The following KIF7 variants were observed in gnomAD, a reference collection of about 807,000 sequenced individuals.
KIF7 encodes the protein kinesin-like protein KIF7.
A neutral mutation model predicts 135.7 loss-of-function variants in KIF7; 104 were observed. The observed-to-expected ratio is 0.77, with a 90% CI of 0.65 to 0.90. The LOEUF (loss-of-function observed/expected upper bound fraction) is 0.90, where lower values mean the gene tolerates loss of function less well. Ranked by LOEUF, KIF7 falls within the 40% of genes least tolerant of loss-of-function variation. KIF7 has a pLI of 0.00. For missense variants in KIF7, 2,005 were observed against 1,839.1 expected (o/e 1.09, Z -1.65); for synonymous variants, 883 against 809.4 (o/e 1.09, Z -1.54).
At chr15:89,649,601 C>T (rs1219574939) in intron 3 of KIF7, 140 bp downstream of exon 3, 1 of 1,031,610 alleles carries the variant, frequency 9.7e-7, no homozygotes, top group Non-Finnish European at 1.4e-6. Context: ...TCAGTGGAGG[C>T]AAGAAGCTAA....
downstream of KIF7, chr15:89,624,416 C>T (rs138701520): frequency 4.3e-6 from 7 of 1,614,236 alleles, no homozygotes; most frequent in Admixed American, 1.7e-5. Context: ...CAGAGAGCTA[C>T]ATTGGACACC....
chr15:89,649,707 C>G (rs903443042), intron 3 of KIF7, 34 bp downstream of exon 3: 2 of 1,547,264 alleles, frequency 1.3e-6, no homozygotes, highest in African/African-American at 2.7e-5. Context: ...CCCTAAGCCC[C>G]TCTCCGTCAG....
chr15:89,633,049 G>C (rs1431827974), intron 13 of KIF7, 53 bp from the exon 14 acceptor site: 38 of 1,596,126 alleles, frequency 2.4e-5, no homozygotes, highest in Non-Finnish European at 3.1e-5. Flanking sequence ...CTCTGGCTGT[G>C]TCAGCCGCCA....
upstream of KIF7, among the ~76,000 whole-genome samples, chr15:89,659,453 GAGAAAGAAAGAAAAA>G (rs971367600): frequency 4.9e-5 from 7 of 143,456 alleles, no homozygotes; most frequent in Non-Finnish European, 9.1e-5. Context: ...GAAAGAGAGA[GAGAAAGAAAGAAAAA>G]AGAAAGAAAG....
intron 2 of KIF7, 51 bp downstream of exon 2, chr15:89,652,552 G>A: frequency 7.4e-7 from 1 of 1,351,302 alleles, no homozygotes; most frequent in Non-Finnish European, 1.0e-6. Context: ...AATCCAGGAA[G>A]GAACTAAGGC....
intron 2 of KIF7, chr15:89,617,971 C>T (rs949673812): frequency 1.2e-5 from 8 of 689,378 alleles, no homozygotes; most frequent in African/African-American, 8.9e-5. Flanking sequence ...GGATTACAGG[C>T]GTGAGACACT....
chr15:89,644,156 ATATT>A (rs1266570361), intron 10 of KIF7, among the ~76,000 whole-genome samples: 4 of 152,132 alleles, frequency 2.6e-5, no homozygotes, highest in Admixed American at 6.6e-5. Flanking sequence ...CTGGTTGAAA[ATATT>A]TATGATGAAT....
upstream of KIF7, among the ~76,000 whole-genome samples, chr15:89,658,208 T>A (rs1299645718): frequency 6.6e-6 from 1 of 152,144 alleles, no homozygotes; most frequent in African/African-American, 2.4e-5. Flanking sequence ...CCCAGCACTT[T>A]GGGAGGCTGA....
chr15:89,621,294 T>C, intron 1 of KIF7: 1 of 1,272,756 alleles, frequency 7.9e-7, no homozygotes, highest in South Asian at 1.5e-5. Flanking sequence ...GTGCTGGGAT[T>C]ACAGGCGTGA....
chr15:89,632,747 G>T, intron 14 of KIF7, 73 bp downstream of exon 14: 1 of 1,511,672 alleles, frequency 6.6e-7, no homozygotes. Flanking sequence ...GAGCTCACCT[G>T]GCAAGATCTG....
At chr15:89,633,076 G>A (rs1444511026) in intron 13 of KIF7, 65 bp downstream of exon 13, 18 of 1,600,222 alleles carry the variant, frequency 1.1e-5, no homozygotes, top group Non-Finnish European at 1.5e-5. Context: ...GTTCACTGGG[G>A]AGAAAGGTGC....
chr15:89,634,127 T>C (rs1271235148), intron 11 of KIF7, among the ~76,000 whole-genome samples: 1 of 152,116 alleles, frequency 6.6e-6, no homozygotes, highest in East Asian at 1.9e-4. Flanking sequence ...AGTGAAATCC[T>C]GTCTCTACTA....
At position 89,631,535 on chromosome 15, in the gene KIF7, A is replaced by G. The variant is rs1459630310; in HGVS notation, c.3071T>C (p.Ile1024Thr). 1.3e-6 allele frequency: 2 copies of G among 1,583,718 alleles called. No individual in the cohort carries two copies. Among genetic ancestry groups the G allele is most frequent in the African/African-American group, 1.3e-5 (1 of 74,218 alleles). ...ACTCCCCTGCCTCAGCTTGCCGTCG[A>G]TCTCCAGGCGCTGCTTGAGCAGCGA... ...KDSLLKQRLE[I>T]DGKLRQGSLL... is the part of the protein sequence containing the mutation. Residue 1024 changes from isoleucine (I) to threonine (T), a missense_variant, in exon 15 of 19, where the codon ATC (isoleucine) becomes ACC (threonine). Coordinates refer to ENST00000394412, the MANE Select transcript of KIF7 (RefSeq NM_198525.3).
At chr15:89,624,936 C>A (rs141037732), downstream of KIF7, 9 of 1,614,000 alleles carry the variant, frequency 5.6e-6, no homozygotes, top group East Asian at 2.2e-5. Flanking sequence ...AACTAGACAA[C>A]CTGCCAGCAT....
chr15:89,661,196 T>G, the KIF7 span, among the ~76,000 whole-genome samples: 1 of 152,206 alleles, frequency 6.6e-6, no homozygotes, highest in Non-Finnish European at 1.5e-5. Flanking sequence ...CTGAATAAAT[T>G]ATGGCATATT....
intron 1 of KIF7, 38 bp from the exon 2 acceptor site, chr15:89,652,992 G>A (rs1483995231): frequency 2.1e-6 from 3 of 1,414,376 alleles, no homozygotes; most frequent in Non-Finnish European, 2.8e-6. Context: ...ATCAGCACTT[G>A]TACTCCAGGA....
chr15:89,638,260 C>G (rs2142010356), intron 11 of KIF7, among the ~76,000 whole-genome samples: 1 of 114,022 alleles, frequency 8.8e-6, no homozygotes, highest in Middle Eastern at 4.1e-3. Flanking sequence ...CCCTCTCTCA[C>G]CACTCCTATT....
At position 89,633,008 on chromosome 15, in the gene KIF7, T is replaced by TAGGGAGTGAGGG; in HGVS notation, c.2719-13_2719-12insCCCTCACTCCCT. On this transcript the variant is annotated splice_polypyrimidine_tract_variant and intron_variant, in intron 13 of 18. Coordinates refer to ENST00000394412, the MANE Select transcript of KIF7 (RefSeq NM_198525.3). The stretch of plus-strand genomic sequence containing the variant: ...TGCTCCTCAATCTTCTAAGGAAAAG[T>TAGGGAGTGAGGG]AGGGAGGGAGGGAGGGAACTCAGGG... 5 of 1,092,416 alleles carry TAGGGAGTGAGGG rather than the reference T, an allele frequency of 4.6e-6. No homozygotes were observed. The highest frequency in any genetic ancestry group is 6.8e-6 in the Non-Finnish European group (5 of 739,726). The allele number at this position is 1,092,416 out of a possible 1,614,324, so 67.7% of individuals were successfully genotyped here. A position where few individuals can be genotyped will look rare whatever the true frequency, so the allele number is the denominator to read the frequency against.
chr15:89,635,471 G>T (rs1210705088), intron 11 of KIF7, among the ~76,000 whole-genome samples: 2 of 152,146 alleles, frequency 1.3e-5, no homozygotes, highest in Admixed American at 6.5e-5. Flanking sequence ...CCAATACAGA[G>T]GAGTGCTTAA....
Sources: gnomAD v4.1 joint callset for allele counts (sites outside exome capture counted in the v4.1 genomes callset) on GRCh38, gnomAD v4.1.1 for gene constraint, MANE v1.5 for transcripts, NCBI Gene and HGNC (gene_info 2026-07-23, HGNC 2026-07-21) for gene names.